The following STRIP1 variants were observed in gnomAD, a reference collection of about 807,000 sequenced individuals.
STRIP1 encodes the protein striatin-interacting protein 1.
In STRIP1, 63 loss-of-function variants were observed where a neutral mutation model predicts 106.2. The ratio of observed to expected loss-of-function variants is 0.59; its 90% CI spans 0.48 to 0.73. The LOEUF (loss-of-function observed/expected upper bound fraction) is 0.73. Ranked by LOEUF, STRIP1 falls within the 30% of genes least tolerant of loss-of-function variation. The pLI is 0.00. For synonymous variants in STRIP1, 390 were observed against 413.0 expected, an observed-to-expected ratio of 0.94 and a Z score of 0.67; for missense variants, 857 against 1,074.8, an observed-to-expected ratio of 0.80 and a Z score of 2.83.
intron 4 of STRIP1, 26 bp downstream of exon 4, chr1:110,039,332 C>T (rs2101768140): frequency 6.2e-7 from 1 of 1,613,954 alleles, no homozygotes; most frequent in East Asian, 2.2e-5. Context: ...CCCCAGGGTT[C>T]CCTGGCACCT....
At chr1:110,053,613 G>A in intron 20 of STRIP1, 52 bp from the exon 21 acceptor site, 1 of 1,598,844 alleles carries the variant, frequency 6.3e-7, no homozygotes, top group East Asian at 2.2e-5. Flanking sequence ...AATCCATGGG[G>A]AGCTGCTACA....
chr1:110,038,989 C>G, intron 3 of STRIP1, 183 bp from the exon 4 acceptor site: 1 of 808,052 alleles, frequency 1.2e-6, no homozygotes, highest in Non-Finnish European at 1.9e-6. Flanking sequence ...AAATTGCACC[C>G]AAAATACCAG....
At chr1:110,042,959 C>T (rs1368758696) in intron 8 of STRIP1, 129 bp from the exon 9 acceptor site, 2 of 839,856 alleles carry the variant, frequency 2.4e-6, no homozygotes, top group South Asian at 1.8e-5. Context: ...GTCCATTGTT[C>T]AGGAGTTGCC....
chr1:110,054,181 C>T lies in STRIP1; in HGVS notation c.*269C>T. ...CTCTCTTGGATATGGTTGGTTTTGG[C>T]TCATTTCACAATCAGCCCAAGGCTG... On this transcript the variant is annotated 3_prime_UTR_variant, in exon 21 of 21. Transcript: ENST00000369795. The T allele has an allele frequency of 2.2e-6, 1 of 456,420 alleles. No individual in the cohort carries two copies. Among genetic ancestry groups the T allele is most frequent in the Non-Finnish European group, 4.0e-6 (1 of 248,900 alleles). 28.3% of individuals were successfully genotyped at this position (456,420 alleles called of 1,614,324 possible).
chr1:110,034,601 T>C, upstream of STRIP1: 3 of 1,475,576 alleles, frequency 2.0e-6, no homozygotes, highest in South Asian at 1.3e-5. Context: ...TCACGGCGGC[T>C]GTGCGCGAGT....
rs1557797572 is a variant in STRIP1 at position 110,052,478 on chromosome 1, C to CT, written c.2266+599dup. ...GTTTCACCATGTTTCCCAGGGTGGTCTTTTTTTTCTTTTGAGACAGAGATT... is the reference window on the plus strand; with the variant it reads ...GTTTCACCATGTTTCCCAGGGTGGTCTTTTTTTTTCTTTTGAGACAGAGATT... On this transcript the variant is annotated intron_variant, in intron 20 of 20. Transcript: ENST00000369795. Among the ~76,000 whole-genome samples, 6 of 151,866 alleles carry CT rather than the reference C, an allele frequency of 4.0e-5. No homozygotes were observed. In the South Asian group the frequency reaches 1.3e-3, roughly 32 times the overall value.
intron 19 of STRIP1, 41 bp downstream of exon 19, chr1:110,051,101 C>A: frequency 2.2e-6 from 3 of 1,359,276 alleles, no homozygotes; most frequent in Non-Finnish European, 3.2e-6. Context: ...GAACTTGGAG[C>A]TCAAAGAAGA....
At chr1:110,041,677 C>A (rs777778292) in intron 7 of STRIP1, 35 bp downstream of exon 7, 15 of 1,614,036 alleles carry the variant, frequency 9.3e-6, no homozygotes, top group Non-Finnish European at 1.3e-5. Context: ...GAGGCCCTGC[C>A]TGGAAGCTGA....
intron 8 of STRIP1, 25 bp downstream of exon 8, chr1:110,041,886 A>G (rs1369421851): frequency 6.2e-7 from 1 of 1,612,590 alleles, no homozygotes; most frequent in Non-Finnish European, 8.5e-7. Flanking sequence ...GGAGGAGGAG[A>G]ACGGTGCTAT....
chr1:110,043,362 A>G, intron 9 of STRIP1, 92 bp downstream of exon 9: 1 of 1,313,042 alleles, frequency 7.6e-7, no homozygotes, highest in Admixed American at 2.0e-5. Flanking sequence ...GCTGCTGGAA[A>G]TGATCTCTGA....
Position 110,039,427 on chromosome 1 carries a change from G to T in STRIP1, c.493G>T (p.Val165Leu). 1 of 1,613,998 alleles carries T rather than the reference G, an allele frequency of 6.2e-7. No individual in the cohort carries two copies. Among genetic ancestry groups the T allele is most frequent in the African/African-American group, 1.3e-5 (1 of 75,066 alleles). ...TGGGGAGTGCAGCTCGGAGGCAGAG[G>T]TGCAGTCCTGGATGCGCTACAACAT... ...TFGECSSEAEVQSWMRYNIFL... is the reference protein window; with the variant it reads ...TFGECSSEAELQSWMRYNIFL... Residue 165 changes from valine (V) to leucine (L), a missense_variant, in exon 5 of 21, where the codon GTG (valine) becomes TTG (leucine). Transcript: ENST00000369795.
chr1:110,034,435 T>G (rs890479169), upstream of STRIP1, among the ~76,000 whole-genome samples: 1 of 151,922 alleles, frequency 6.6e-6, no homozygotes, highest in Non-Finnish European at 1.5e-5. Context: ...AAACTGAAAC[T>G]GAAAGGAAGG....
In STRIP1 at chr1:110,046,694, G is replaced by T; in HGVS notation, c.1431G>T (p.Ser477=). The part of the protein sequence containing the change: ...IKTLKQHKYT[S]IAEVQAQMEE... ...TCTCCCACCAGCACAAGTACACGTC[G>T]ATTGCAGAGGTCCAGGCACAGATGG... The change falls in exon 13 of 21, where the codon TCG becomes TCT. Residue 477 remains serine (S), a synonymous_variant. Transcript: ENST00000369795. 1 of 1,613,384 alleles carries T rather than the reference G, an allele frequency of 6.2e-7. No homozygotes were observed. The highest frequency in any genetic ancestry group is 1.1e-5 in the South Asian group (1 of 91,066).
chr1:110,037,463 G>T (rs1486520221), intron 1 of STRIP1, among the ~76,000 whole-genome samples: 1 of 152,202 alleles, frequency 6.6e-6, no homozygotes, highest in Non-Finnish European at 1.5e-5. Flanking sequence ...CCAGAAAGAA[G>T]TTAAGACTTC....
At chr1:110,041,946 A>C (rs1277818668) in intron 8 of STRIP1, 85 bp downstream of exon 8, 4 of 1,414,742 alleles carry the variant, frequency 2.8e-6, no homozygotes, top group Non-Finnish European at 3.9e-6. Flanking sequence ...TGAATATTGA[A>C]TTATGTGACT....
chr1:110,047,749 T>G, intron 14 of STRIP1, 23 bp from the exon 15 acceptor site: 1 of 1,556,316 alleles, frequency 6.4e-7, no homozygotes, highest in Non-Finnish European at 8.7e-7. Flanking sequence ...CAGACCTGTG[T>G]CTGAATGGTC....
At chr1:110,032,696 C>T (rs1402935726), upstream of STRIP1, among the ~76,000 whole-genome samples, 2 of 152,154 alleles carry the variant, frequency 1.3e-5, no homozygotes, top group Non-Finnish European at 2.9e-5. Context: ...TTCCCCTACC[C>T]AGCTGATAAG....
At chr1:110,038,630 C>T in intron 2 of STRIP1, 53 bp from the exon 3 acceptor site, 1 of 1,471,142 alleles carries the variant, frequency 6.8e-7, no homozygotes, top group African/African-American at 1.4e-5. Flanking sequence ...CTTGTGAGAC[C>T]TGGTGTGCAA....
intron 3 of STRIP1, 117 bp from the exon 4 acceptor site, chr1:110,039,055 A>G (rs1173776918): frequency 4.3e-6 from 5 of 1,160,184 alleles, no homozygotes; most frequent in Non-Finnish European, 6.2e-6. Flanking sequence ...CCACTTACAT[A>G]GGGTGTAACT....
Sources: gnomAD v4.1 joint callset for allele counts (sites outside exome capture counted in the v4.1 genomes callset) on GRCh38, gnomAD v4.1.1 for gene constraint, MANE v1.5 for transcripts, NCBI Gene and HGNC (gene_info 2026-07-23, HGNC 2026-07-21) for gene names.